The following ZNF469 variants were observed in gnomAD, a reference collection of about 807,000 sequenced individuals.
ZNF469 encodes the protein zinc finger protein 469.
A neutral mutation model predicts 1.0 loss-of-function variants in ZNF469; 1 was observed. The ratio of observed to expected loss-of-function variants is 1.00; its 90% CI spans 0.35 to 4.73. The LOEUF (loss-of-function observed/expected upper bound fraction) is 4.73, where lower values mean the gene tolerates loss of function less well. ZNF469 is among the 30% of genes most tolerant of loss of function. ZNF469 has a pLI of 0.16. For missense variants in ZNF469, 6,100 were observed against 5,356.3 expected, an observed-to-expected ratio of 1.14 and a Z score of -4.33; for synonymous variants, 2,703 against 2,363.4, an observed-to-expected ratio of 1.14 and a Z score of -4.17.
the ZNF469 span, among the ~76,000 whole-genome samples, chr16:88,255,408 A>C: frequency 1.3e-5 from 2 of 152,236 alleles, no homozygotes; most frequent in East Asian, 1.9e-4. Context: ...GCTATAAAGA[A>C]AGTGCTATTT....
the ZNF469 span, among the ~76,000 whole-genome samples, chr16:88,219,102 C>T: frequency 1.3e-5 from 2 of 149,820 alleles, no homozygotes; most frequent in African/African-American, 5.0e-5. Context: ...CAAACCACTG[C>T]CCAAGGAAAT....
chr16:88,306,128 G>A, the ZNF469 span, among the ~76,000 whole-genome samples: 1 of 152,244 alleles, frequency 6.6e-6, no homozygotes, highest in Non-Finnish European at 1.5e-5. Flanking sequence ...AAGTCACAAG[G>A]CAGGGGCTTC....
the ZNF469 span, among the ~76,000 whole-genome samples, chr16:88,357,476 C>A: frequency 6.6e-6 from 1 of 152,156 alleles, no homozygotes; most frequent in African/African-American, 2.4e-5. Flanking sequence ...TCCTGGGAGG[C>A]CACTCCCCCT....
chr16:88,229,521 C>T, the ZNF469 span, among the ~76,000 whole-genome samples: 1,092 of 152,166 alleles, frequency 7.2e-3, 15 homozygotes, highest in African/African-American at 0.022. Context: ...TGAATGTGTG[C>T]GTGTGTGCTG....
chr16:88,341,492 G>A, the ZNF469 span, among the ~76,000 whole-genome samples: 10 of 152,202 alleles, frequency 6.6e-5, no homozygotes, highest in East Asian at 1.9e-4. Context: ...AGGTCAAGCC[G>A]TCCTCCCCAG....
chr16:88,119,656 G>T, the ZNF469 span, among the ~76,000 whole-genome samples: 33 of 152,316 alleles, frequency 2.2e-4, no homozygotes, highest in Middle Eastern at 3.4e-3. Context: ...TCCCTACCGG[G>T]TCCAGCCGTT....
chr16:88,142,557 C>G, the ZNF469 span, among the ~76,000 whole-genome samples: 1 of 152,214 alleles, frequency 6.6e-6, no homozygotes, highest in African/African-American at 2.4e-5. Context: ...CAGCACAGAC[C>G]TCAGCGTGAG....
At chr16:88,294,213 C>A in the ZNF469 span, among the ~76,000 whole-genome samples, 1 of 152,190 alleles carries the variant, frequency 6.6e-6, no homozygotes, top group African/African-American at 2.4e-5. Context: ...GTCTTTAGAC[C>A]AAGATGCCAA....
the ZNF469 span, among the ~76,000 whole-genome samples, chr16:88,122,241 G>A: frequency 1.6e-4 from 20 of 123,194 alleles, no homozygotes; most frequent in Middle Eastern, 3.9e-3. Context: ...CCTGTCACTC[G>A]CTACAGCCAC....
At chr16:88,418,440 G>A (rs530170068) in intron 1 of ZNF469, among the ~76,000 whole-genome samples, 1 of 152,280 alleles carries the variant, frequency 6.6e-6, no homozygotes, top group African/African-American at 2.4e-5. Context: ...GGCACAGAGG[G>A]GCAGAGGAGA....
the ZNF469 span, among the ~76,000 whole-genome samples, chr16:88,353,532 C>G: frequency 2.5e-4 from 38 of 152,354 alleles, no homozygotes; most frequent in African/African-American, 9.1e-4. Context: ...CTCCGCCAGC[C>G]TCTCGCGGCT....
the ZNF469 span, among the ~76,000 whole-genome samples, chr16:88,340,635 G>C: frequency 6.6e-6 from 1 of 152,186 alleles, no homozygotes; most frequent in Non-Finnish European, 1.5e-5. Context: ...GAGGGAGGAA[G>C]GAACAACAGT....
At chr16:88,409,193 C>T (rs1905083096) in intron 1 of ZNF469, among the ~76,000 whole-genome samples, 1 of 152,232 alleles carries the variant, frequency 6.6e-6, no homozygotes, top group Non-Finnish European at 1.5e-5. Context: ...CTCAGGTCAG[C>T]ATTCAGGGAG....
At chr16:88,152,464 C>T in the ZNF469 span, among the ~76,000 whole-genome samples, 3 of 152,102 alleles carry the variant, frequency 2.0e-5, no homozygotes, top group African/African-American at 7.2e-5. This position sits in a 1 kb window ranked among gnomAD's most constrained non-coding sequence, Gnocchi z 4.2. Flanking sequence ...ATTTTGGCTG[C>T]CCCCGCGGTC....
At chr16:88,389,317 G>A (rs772657714) in intron 1 of ZNF469, among the ~76,000 whole-genome samples, 28 of 152,382 alleles carry the variant, frequency 1.8e-4, no homozygotes, top group Non-Finnish European at 2.9e-4. Context: ...GTCCATCTGT[G>A]CCGTGGCGGG....
In ZNF469 at chr16:88,435,519, A is replaced by G. The variant is rs1448750061; in HGVS notation, c.8049A>G (p.Gly2683=). The G allele has an allele frequency of 3.9e-6, 6 of 1,549,382 alleles. No homozygotes were observed. Among genetic ancestry groups the G allele is most frequent in the Non-Finnish European group, 5.2e-6 (6 of 1,146,968 alleles). ...ASPSHCLSVE[G]GPEADGEQPP... is the part of the protein sequence containing the mutation. Reference sequence around the variant, plus strand: ...CGAGCCACTGCCTCTCTGTGGAAGGAGGGCCTGAGGCTGACGGGGAGCAGC... The same window carrying G: ...CGAGCCACTGCCTCTCTGTGGAAGGGGGGCCTGAGGCTGACGGGGAGCAGC... Residue 2683 remains glycine (G), a synonymous_variant, in exon 3 of 3, where the codon GGA becomes GGG. Transcript: ENST00000565624.
At chr16:88,309,767 C>T in the ZNF469 span, among the ~76,000 whole-genome samples, 16 of 152,226 alleles carry the variant, frequency 1.1e-4, no homozygotes, top group African/African-American at 3.6e-4. Context: ...GGTGCCCTCT[C>T]GGTGCCAGGG....
At chr16:88,123,654 C>T in the ZNF469 span, among the ~76,000 whole-genome samples, 4 of 151,282 alleles carry the variant, frequency 2.6e-5, no homozygotes, top group African/African-American at 4.9e-5. Context: ...CCAAAGGGGT[C>T]GTCCCCCCCA....
the ZNF469 span, among the ~76,000 whole-genome samples, chr16:88,212,405 A>T: frequency 1.3e-3 from 190 of 151,966 alleles, no homozygotes; most frequent in African/African-American, 4.4e-3. Flanking sequence ...TTTCTTTTTT[A>T]CATCATCTCA....
Sources: allele counts gnomAD v4.1 joint callset (sites outside exome capture counted in the v4.1 genomes callset), GRCh38; gene constraint gnomAD v4.1.1; non-coding constraint Gnocchi (gnomAD v3.1); transcripts MANE v1.5; gene names NCBI Gene and HGNC (gene_info 2026-07-23, HGNC 2026-07-21).